Variants in CROCC observed in about 807,000 individuals in gnomAD.
CROCC encodes rootletin.
A neutral mutation model predicts 245.2 loss-of-function variants in CROCC; 180 were observed. That is an observed-to-expected ratio of 0.73 (90% CI 0.65 to 0.83). CROCC has a LOEUF of 0.83. Ranked by LOEUF, CROCC falls within the 40% of genes least tolerant of loss-of-function variation. CROCC has a pLI of 0.00. For missense variants in CROCC, 2,688 were observed against 2,779.4 expected, an observed-to-expected ratio of 0.97 and a Z score of 0.74; for synonymous variants, 1,205 against 1,241.6, an observed-to-expected ratio of 0.97 and a Z score of 0.62.
rs2076201026 is a variant in CROCC at position 16,953,618 on chromosome 1, C to T, written c.3186+137C>T. 9.2e-6 allele frequency: 7 copies of T among 761,924 alleles called. No individual in the cohort carries two copies. The East Asian group carries it at 1.9e-4, about 21-fold the overall frequency. The allele number at this position is 761,924 out of a possible 1,614,324, so 47.2% of individuals were successfully genotyped here. On this transcript the variant is annotated intron_variant, in intron 21 of 36. Transcript: ENST00000375541. Reference sequence around the variant, plus strand: ...TTGGGGGCCTCAGTTTCCTTACCTGCAGGAGGGGAGGATTAGAAGGGGGTT... The same window carrying T: ...TTGGGGGCCTCAGTTTCCTTACCTGTAGGAGGGGAGGATTAGAAGGGGGTT...
intron 30 of CROCC, among the ~76,000 whole-genome samples, chr1:16,967,590 T>G (rs2076440126): frequency 6.6e-6 from 1 of 152,024 alleles, no homozygotes; most frequent in African/African-American, 2.4e-5. Flanking sequence ...AGGCTCAGGA[T>G]AGGGGCTGGG....
rs753264555 is a variant in CROCC at position 16,971,994 on chromosome 1, C to T, written c.5967+347C>T. On this transcript the variant is annotated intron_variant, in intron 36 of 36. Transcript: ENST00000375541. ...GTCCTAAGGCTGTCCCTCACTGGCC[C>T]GCTCAGATCACATACCCCTTCCTGA... Among the ~76,000 whole-genome samples the T allele has an allele frequency of 8.5e-5, 13 of 152,214 alleles. 1 individual carries two copies. Among genetic ancestry groups the T allele is most frequent in the South Asian group, 4.1e-4 (2 of 4,828 alleles).
chr1:16,940,862 A>C, intron 13 of CROCC: 1 of 410,896 alleles, frequency 2.4e-6, no homozygotes, highest in Non-Finnish European at 4.9e-6. Flanking sequence ...AACTGCCCCT[A>C]GTTGGGGGCC....
chr1:16,924,259 C>G (rs112646712), intron 2 of CROCC, 66 bp from the exon 3 acceptor site: 3 of 1,575,324 alleles, frequency 1.9e-6, no homozygotes, highest in Non-Finnish European at 2.6e-6. Flanking sequence ...TTCTTGCCCT[C>G]CCTGTTGGGG....
intron 8 of CROCC, 130 bp from the exon 9 acceptor site, chr1:16,936,507 G>C: frequency 3.2e-6 from 3 of 925,398 alleles, no homozygotes; most frequent in South Asian, 3.7e-5. Flanking sequence ...GACCTCACGT[G>C]ATCTGCCCGC....
chr1:16,927,514 C>T (rs1448495604), intron 3 of CROCC, among the ~76,000 whole-genome samples: 2 of 152,262 alleles, frequency 1.3e-5, no homozygotes, highest in Non-Finnish European at 2.9e-5. Flanking sequence ...CACAGCCAGG[C>T]CCAACACCCG....
At chr1:16,933,030 T>C (rs2075712930) in intron 8 of CROCC, among the ~76,000 whole-genome samples, 1 of 152,198 alleles carries the variant, frequency 6.6e-6, no homozygotes, top group Non-Finnish European at 1.5e-5. Context: ...AGGCTGGTCT[T>C]GAACTCCTGA....
Position 16,930,157 on chromosome 1 carries a change from G to C in CROCC, c.571G>C (p.Glu191Gln), listed in dbSNP as rs2075635580. 6.3e-7 allele frequency: 1 copy of C among 1,594,686 alleles called. No homozygotes were observed. Among genetic ancestry groups the C allele is most frequent in the Non-Finnish European group, 8.5e-7 (1 of 1,171,206 alleles). Reference sequence around the variant, plus strand: ...GTACAAGAAGAGGTGCTCGGAGCTGGAGCAGCAGCTGCTGGAGAGATCCGG... The same window carrying C: ...GTACAAGAAGAGGTGCTCGGAGCTGCAGCAGCAGCTGCTGGAGAGATCCGG... ...LQYKKRCSEL[E>Q]QQLLERSGEL... The change falls in exon 5 of 37, where the codon GAG becomes CAG. Residue 191 changes from glutamate (E) to glutamine (Q), a missense_variant. Physicochemically the swap from Glu to Gln is conservative, Grantham distance 29. This residue lies in a region of CROCC where 972 missense variants were observed against 895.3 expected (regional missense o/e 1.09). Transcript: ENST00000375541.
At chr1:16,935,683 C>G (rs567978711) in intron 8 of CROCC, among the ~76,000 whole-genome samples, 1 of 152,406 alleles carries the variant, frequency 6.6e-6, no homozygotes, top group African/African-American at 2.4e-5. Context: ...CTCGGCCTCC[C>G]AAAGTGCTGG....
chr1:16,963,702 A>G (rs2076370882), intron 27 of CROCC, among the ~76,000 whole-genome samples: 1 of 144,792 alleles, frequency 6.9e-6, no homozygotes, highest in Non-Finnish European at 1.5e-5. Context: ...TCCCCGGGCC[A>G]TCACTCCAAG....
chr1:16,964,972 C>T (rs1356646440), intron 27 of CROCC, among the ~76,000 whole-genome samples: 2 of 152,088 alleles, frequency 1.3e-5, no homozygotes, highest in Non-Finnish European at 2.9e-5. Context: ...TGAGACACCG[C>T]ACCTGGCCAA....
upstream of CROCC, among the ~76,000 whole-genome samples, chr1:16,918,977 T>C (rs1203715475): frequency 6.6e-6 from 1 of 152,284 alleles, no homozygotes. Flanking sequence ...CCTCAAGTGA[T>C]CGACCTGCCT....
chr1:16,957,117 C>T (rs1048878103), intron 25 of CROCC, among the ~76,000 whole-genome samples: 7 of 152,208 alleles, frequency 4.6e-5, no homozygotes, highest in East Asian at 1.9e-4. Flanking sequence ...ACTAAAAATA[C>T]GAAAAATTAG....
intron 25 of CROCC, among the ~76,000 whole-genome samples, chr1:16,957,289 C>T (rs1186457368): frequency 6.6e-6 from 1 of 152,058 alleles, no homozygotes; most frequent in Non-Finnish European, 1.5e-5. Flanking sequence ...CTCCTGGAGT[C>T]CCAGCTACTT....
At chr1:16,925,083 C>T (rs1416995719) in intron 3 of CROCC, among the ~76,000 whole-genome samples, 4 of 152,262 alleles carry the variant, frequency 2.6e-5, no homozygotes, top group African/African-American at 4.8e-5. Flanking sequence ...GGGTGTGAGC[C>T]GGTGCGAGGG....
rs370237832 is a variant in CROCC, at chr1:16,915,429, G to A, written n.126-14857G>A. 2.0e-5 allele frequency among the ~76,000 whole-genome samples: 3 copies of A among 152,206 alleles called. No homozygotes were observed. The East Asian group carries it at 5.8e-4, about 29-fold the overall frequency. ...TTTGGGAGGCTGAGGTGGGAGGACC[G>A]CTTGAGCCCAGGAGTTGGAGACTAG... is the stretch of plus-strand genomic sequence containing the variant. On this transcript the variant is annotated intron_variant and non_coding_transcript_variant, in intron 1 of 8. Coordinates refer to the CROCC transcript ENST00000466256.
intron 8 of CROCC, among the ~76,000 whole-genome samples, chr1:16,935,706 G>A (rs1330135995): frequency 6.6e-6 from 1 of 152,280 alleles, no homozygotes; most frequent in Non-Finnish European, 1.5e-5. Flanking sequence ...TTACAGGCGT[G>A]AGCCACCAAG....
Position 16,955,515 on chromosome 1 carries a change from G to C in CROCC, c.3669G>C (p.Arg1223=). The change falls in exon 24 of 37, where the codon CGG becomes CGC. Residue 1223 remains arginine, a synonymous_variant. Coordinates refer to ENST00000375541, the MANE Select transcript of CROCC (RefSeq NM_014675.5). The part of the protein sequence containing the change: ...EALRRSNEEL[R]SAVKKAESER... ...TGCGGCGTTCCAATGAGGAGCTTCGGTCTGCTGTGAAGAAGGCAGAGAGCG... is the reference window on the plus strand; with the variant it reads ...TGCGGCGTTCCAATGAGGAGCTTCGCTCTGCTGTGAAGAAGGCAGAGAGCG... 6.4e-7 allele frequency: 1 copy of C among 1,571,494 alleles called. No homozygotes were observed. The highest frequency in any genetic ancestry group is 8.6e-7 in the Non-Finnish European group (1 of 1,162,898).
At chr1:16,929,465 G>A (rs1438345897) in intron 3 of CROCC, among the ~76,000 whole-genome samples, 2 of 152,290 alleles carry the variant, frequency 1.3e-5, no homozygotes, top group African/African-American at 4.8e-5. Flanking sequence ...ATTGGGGTCG[G>A]GGCATGGTGG....
Sources: gnomAD v4.1 joint callset for allele counts (sites outside exome capture counted in the v4.1 genomes callset) on GRCh38, gnomAD v4.1.1 for gene constraint, gnomAD v4.1.1 regional missense constraint, MANE v1.5 for transcripts, NCBI Gene and HGNC (gene_info 2026-07-23, HGNC 2026-07-21) for gene names.